The following GRIK2 variants were observed in gnomAD, a reference collection of about 807,000 sequenced individuals.
GRIK2 encodes the protein glutamate ionotropic receptor kainate type subunit 2.
A neutral mutation model predicts 100.3 loss-of-function variants in GRIK2; 32 were observed. The observed-to-expected ratio is 0.32, with a 90% CI of 0.24 to 0.43. The LOEUF is 0.43. GRIK2 is among the 20% of genes least tolerant of loss of function. The pLI is 1.00. For synonymous variants in GRIK2, 417 were observed against 389.4 expected, an observed-to-expected ratio of 1.07 and a Z score of -0.83; for missense variants, 843 against 1,114.9, an observed-to-expected ratio of 0.76 and a Z score of 3.47.
intron 2 of GRIK2, among the ~76,000 whole-genome samples, chr6:101,454,633 T>G (rs1173774858): frequency 6.6e-6 from 1 of 152,146 alleles, no homozygotes; most frequent in Non-Finnish European, 1.5e-5. Context: ...TTTCTAAAAC[T>G]AAACCTTTGG....
chr6:102,066,754 G>C (rs1772036659), intron 16 of GRIK2, among the ~76,000 whole-genome samples: 1 of 151,636 alleles, frequency 6.6e-6, no homozygotes, highest in African/African-American at 2.4e-5. Flanking sequence ...ATAGATTTGA[G>C]TTTGACTTGT....
rs78330122 is a variant in GRIK2, at chr6:101,697,382, T to C, written c.951+11029T>C. Among the ~76,000 whole-genome samples, 1,240 of 140,000 alleles carry C rather than the reference T, an allele frequency of 8.9e-3. 12 individuals carry two copies. The highest frequency in any genetic ancestry group is 0.031 in the African/African-American group (1,202 of 38,420). 91.8% of individuals were successfully genotyped at this position (140,000 alleles called of 152,430 possible). A position where few individuals can be genotyped will look rare whatever the true frequency, so the allele number is the denominator to read the frequency against. ...GTGTGTGTGTGTGTGTGTGTGTGTG[T>C]TGGATACAATCATAAGAAGCTTTCA... On this transcript the variant is annotated intron_variant, in intron 7 of 16. Coordinates refer to ENST00000369134, the MANE Select transcript of GRIK2 (RefSeq NM_021956.5).
intron 14 of GRIK2, among the ~76,000 whole-genome samples, chr6:101,965,389 A>C (rs1582630967): frequency 6.6e-6 from 1 of 152,226 alleles, no homozygotes; most frequent in South Asian, 2.1e-4. Flanking sequence ...TTTCTTTCAG[A>C]TATCCAAATC....
chr6:101,397,441 G>T (rs1180071396), intron 1 of GRIK2, among the ~76,000 whole-genome samples: 18 of 152,114 alleles, frequency 1.2e-4, no homozygotes. Flanking sequence ...TTCCTTTTAA[G>T]GTGCTCGAAC....
At chr6:101,989,055 C>T (rs1009906897) in intron 14 of GRIK2, among the ~76,000 whole-genome samples, 1 of 151,916 alleles carries the variant, frequency 6.6e-6, no homozygotes, top group East Asian at 1.9e-4. Flanking sequence ...CAATCTTGTT[C>T]TATTATGAAT....
Position 101,613,961 on chromosome 6 carries a change from G to T in GRIK2, c.116-7988G>T, listed in dbSNP as rs550118594. On this transcript the variant is annotated intron_variant, in intron 2 of 16. Coordinates refer to ENST00000369134, the MANE Select transcript of GRIK2 (RefSeq NM_021956.5). ...TATGATTAAAAACTTTAGGAAAACA[G>T]GGGATGGATTAATATATGGGAGAAC... is the stretch of plus-strand genomic sequence containing the variant. Among the ~76,000 whole-genome samples the T allele has an allele frequency of 2.2e-3, 332 of 150,418 alleles. 4 individuals carry two copies. The highest frequency in any genetic ancestry group is 8.0e-3 in the African/African-American group (323 of 40,204).
At chr6:101,634,212 C>T (rs1780900189) in intron 4 of GRIK2, among the ~76,000 whole-genome samples, 1 of 151,958 alleles carries the variant, frequency 6.6e-6, no homozygotes, top group Non-Finnish European at 1.5e-5. Flanking sequence ...ATAATGTTGA[C>T]ATGAAGAATT....
Position 101,561,659 on chromosome 6 carries a change from AG to A in GRIK2, c.116-60289del, listed in dbSNP as rs547660715. Among the ~76,000 whole-genome samples the A allele has an allele frequency of 3.7e-3, 562 of 152,032 alleles. 1 individual carries two copies. The highest frequency in any genetic ancestry group is 0.012 in the African/African-American group (480 of 41,428). The stretch of plus-strand genomic sequence containing the variant: ...ATATCAATAAAAATACAGAAAAAAA[AG>A]AGGATACACTGGAGGAAAAATCTGC... On this transcript the variant is annotated intron_variant, in intron 2 of 16. Coordinates refer to ENST00000369134, the MANE Select transcript of GRIK2 (RefSeq NM_021956.5).
chr6:101,875,586 A>G (rs1188984210), intron 11 of GRIK2, among the ~76,000 whole-genome samples: 7 of 151,578 alleles, frequency 4.6e-5, no homozygotes, highest in Admixed American at 4.6e-4. Flanking sequence ...TGAAAATTTC[A>G]TTTCTGTTTT....
chr6:101,745,104 G>A (rs1776344369), intron 7 of GRIK2: 1 of 152,086 alleles, frequency 6.6e-6, no homozygotes, highest in Non-Finnish European at 1.5e-5. Flanking sequence ...TTAAATGAAT[G>A]CTAACATAAG....
intron 15 of GRIK2, among the ~76,000 whole-genome samples, chr6:102,045,793 CAAATTA>C (rs990924656): frequency 2.0e-5 from 3 of 151,864 alleles, no homozygotes; most frequent in Admixed American, 6.6e-5. Context: ...AAAAGAAATG[CAAATTA>C]AAATAATGCT....
intron 14 of GRIK2, among the ~76,000 whole-genome samples, chr6:101,988,050 C>T (rs1263220765): frequency 6.7e-6 from 1 of 150,320 alleles, no homozygotes; most frequent in Non-Finnish European, 1.5e-5. Flanking sequence ...TAACTCAGTA[C>T]TGTGAGAACT....
At chr6:102,049,457 G>A (rs1771060643) in intron 15 of GRIK2, among the ~76,000 whole-genome samples, 1 of 152,054 alleles carries the variant, frequency 6.6e-6, no homozygotes, top group African/African-American at 2.4e-5. Flanking sequence ...ACATTAATAA[G>A]CGAGAGGGAA....
rs2243355 is a variant in GRIK2, at chr6:101,928,642, G to T, written c.2085+10G>T. 5 of 1,358,830 alleles carry T rather than the reference G, an allele frequency of 3.7e-6. No homozygotes were observed. In the Admixed American group the frequency reaches 6.7e-5, roughly 18 times the overall value. The allele number at this position is 1,358,830 out of a possible 1,614,324, so 84.2% of individuals were successfully genotyped here. A position where few individuals can be genotyped will look rare whatever the true frequency, so the allele number is the denominator to read the frequency against. On this transcript the variant is annotated intron_variant, in intron 14 of 16. Coordinates refer to ENST00000369134, the MANE Select transcript of GRIK2 (RefSeq NM_021956.5). ...CATGACTTTTTTCAAGGTAAGTTCT[G>T]CTGGTTACCTAAAATTTACAAATTA...
At chr6:101,797,122 A>T (rs2128412031) in intron 7 of GRIK2, among the ~76,000 whole-genome samples, 1 of 152,202 alleles carries the variant, frequency 6.6e-6, no homozygotes, top group South Asian at 2.1e-4. Flanking sequence ...GGAATTAGAA[A>T]TATTATAGAT....
At chr6:101,797,133 T>G (rs1780356688) in intron 7 of GRIK2, among the ~76,000 whole-genome samples, 1 of 152,086 alleles carries the variant, frequency 6.6e-6, no homozygotes, top group South Asian at 2.1e-4. Flanking sequence ...TATTATAGAT[T>G]GTATTCTTTT....
chr6:101,474,540 C>T, intron 2 of GRIK2, among the ~76,000 whole-genome samples: 1 of 151,790 alleles, frequency 6.6e-6, no homozygotes, highest in East Asian at 1.9e-4. Flanking sequence ...GAATATTATA[C>T]TTTGCATTTT....
intron 4 of GRIK2, among the ~76,000 whole-genome samples, chr6:101,639,700 T>A (rs1450425219): frequency 6.6e-6 from 1 of 152,176 alleles, no homozygotes; most frequent in African/African-American, 2.4e-5. Context: ...GTTTTAAATA[T>A]ATAGTATATA....
chr6:101,830,928 A>G (rs553692010), intron 10 of GRIK2, among the ~76,000 whole-genome samples: 42 of 152,138 alleles, frequency 2.8e-4, no homozygotes, highest in African/African-American at 9.9e-4. Flanking sequence ...TACACATGGA[A>G]ACAAGATGGG....
Sources: gnomAD v4.1 joint callset for allele counts (sites outside exome capture counted in the v4.1 genomes callset) on GRCh38, gnomAD v4.1.1 for gene constraint, MANE v1.5 for transcripts, NCBI Gene and HGNC (gene_info 2026-07-23, HGNC 2026-07-21) for gene names.